CPSF4: variants seen among roughly 807,000 people sequenced by gnomAD.
The protein encoded by CPSF4 is cleavage and polyadenylation specific factor 4.
Under a neutral mutation model 37.7 loss-of-function variants are expected in CPSF4, and 11 were observed. The observed-to-expected ratio is 0.29, with a 90% confidence interval of 0.18 to 0.48. CPSF4 has a LOEUF of 0.48. CPSF4 is among the 20% of genes least tolerant of loss of function. CPSF4 has a pLI of 0.99. For synonymous variants in CPSF4, 132 were observed against 135.9 expected, an observed-to-expected ratio of 0.97 and a Z score of 0.20; for missense variants, 144 against 359.5, an observed-to-expected ratio of 0.40 and a Z score of 4.85.
At position 99,448,385 on chromosome 7, in the gene CPSF4, A is replaced by C; in HGVS notation, c.307+112A>C. ...CTGCTTTTCCCATCTTTCTATTCTC[A>C]GAGGAGAACTCTGGCAGAACCTGCC... On this transcript the variant is annotated intron_variant, in intron 3 of 7. Coordinates refer to ENST00000292476, the MANE Select transcript of CPSF4 (RefSeq NM_006693.4). The surrounding 1 kb of genome is among the most constrained non-coding windows in gnomAD (Gnocchi z 4.4). 4.1e-6 allele frequency: 5 copies of C among 1,226,320 alleles called. No individual in the cohort carries two copies. Among genetic ancestry groups the C allele is most frequent in the East Asian group, 2.6e-5 (1 of 38,084 alleles). The allele number at this position is 1,226,320 out of a possible 1,614,324, so 76.0% of individuals were successfully genotyped here.
At chr7:99,455,872 G>A (rs556937239) in intron 7 of CPSF4, among the ~76,000 whole-genome samples, 6 of 152,356 alleles carry the variant, frequency 3.9e-5, no homozygotes, top group African/African-American at 1.4e-4. Context: ...GTGTGTCACA[G>A]CCACGAGGGA....
chr7:99,447,109 G>GCTTA (rs34079237), intron 2 of CPSF4, among the ~76,000 whole-genome samples: 53,646 of 149,568 alleles, frequency 0.36, 15,374 homozygotes, highest in African/African-American at 0.8. Flanking sequence ...TGCTTGGCTG[G>GCTTA]CTTACTTACT....
rs1798329920 is a variant in CPSF4, at chr7:99,456,601, GC to G, written c.*104del. ...GTTGGCGCGACTGTGGCTCGAGCTGGCCCGCAGACACGTGGGTTTCATCACT... is the reference window on the plus strand; with the variant it reads ...GTTGGCGCGACTGTGGCTCGAGCTGGCCGCAGACACGTGGGTTTCATCACT... On this transcript the variant is annotated 3_prime_UTR_variant, in exon 8 of 8. Coordinates refer to ENST00000292476, the MANE Select transcript of CPSF4 (RefSeq NM_006693.4). The G allele has an allele frequency of 3.2e-6, 3 of 948,746 alleles. No homozygotes were observed. Among genetic ancestry groups the G allele is most frequent in the Non-Finnish European group, 5.0e-6 (3 of 599,042 alleles). 58.8% of individuals were successfully genotyped at this position (948,746 alleles called of 1,614,324 possible). A position where few individuals can be genotyped will look rare whatever the true frequency, so the allele number is the denominator to read the frequency against.
chr7:99,447,735 G>A (rs748720788), intron 2 of CPSF4: 10 of 425,356 alleles, frequency 2.4e-5, no homozygotes, highest in Non-Finnish European at 3.4e-5. Flanking sequence ...GACTATAGGC[G>A]CCAGCCACCA....
At position 99,440,670 on chromosome 7, in the gene CPSF4, A is replaced by T. The variant is rs565068098; in HGVS notation, c.103+1485A>T. ...CTGCACCTGGCATATATATATATATATATATTTTTTTTTTTTTTTTTTTCC... is the reference window on the plus strand; with the variant it reads ...CTGCACCTGGCATATATATATATATTTATATTTTTTTTTTTTTTTTTTTCC... On this transcript the variant is annotated intron_variant, in intron 1 of 7. Transcript: ENST00000292476. 4.8e-3 allele frequency among the ~76,000 whole-genome samples: 399 copies of T among 82,648 alleles called. 9 individuals are homozygous for T. The highest frequency in any genetic ancestry group is 5.4e-3 in the Non-Finnish European group (284 of 52,328). The allele number at this position is 82,648 out of a possible 152,430, so 54.2% of individuals were successfully genotyped here.
At chr7:99,451,476 G>A (rs1287328794) in intron 5 of CPSF4, among the ~76,000 whole-genome samples, 1 of 152,212 alleles carries the variant, frequency 6.6e-6, no homozygotes, top group Non-Finnish European at 1.5e-5. Flanking sequence ...GTAGCGGCGC[G>A]TGCCTGTAGT....
rs1796636343 is a variant in CPSF4, at chr7:99,439,148, G to A, written c.66G>A (p.Gln22=). The A allele has an allele frequency of 2.5e-6, 4 of 1,609,644 alleles. No individual in the cohort carries two copies. The highest frequency in any genetic ancestry group is 4.5e-5 in the East Asian group (2 of 44,552). ...KFDLEIAVEQ[Q]LGAQPLPFPG... Reference sequence around the variant, plus strand: ...ACTTGGAGATCGCGGTGGAGCAGCAGCTGGGGGCGCAGCCGCTGCCCTTCC... The same window carrying A: ...ACTTGGAGATCGCGGTGGAGCAGCAACTGGGGGCGCAGCCGCTGCCCTTCC... Residue 22 remains glutamine (Q), a synonymous_variant, in exon 1 of 8, where the codon CAG becomes CAA. Coordinates refer to ENST00000292476, the MANE Select transcript of CPSF4 (RefSeq NM_006693.4).
intron 1 of CPSF4, among the ~76,000 whole-genome samples, chr7:99,444,318 G>A (rs1227867991): frequency 4.6e-5 from 7 of 152,094 alleles, no homozygotes; most frequent in Admixed American, 1.3e-4. Context: ...TTAGCCAAGC[G>A]TGGTGGCAGG....
intron 1 of CPSF4, among the ~76,000 whole-genome samples, chr7:99,440,303 T>G (rs942617137): frequency 2.6e-5 from 4 of 152,140 alleles, no homozygotes; most frequent in African/African-American, 9.7e-5. Flanking sequence ...TCACACCTTC[T>G]CATGCACATG....
chr7:99,442,900 G>T, intron 1 of CPSF4: 1 of 1,319,194 alleles, frequency 7.6e-7, no homozygotes, highest in Non-Finnish European at 1.1e-6. Flanking sequence ...ATGCCAAAGC[G>T]CTCTGCTCTT....
At chr7:99,439,526 A>T (rs1796690314) in intron 1 of CPSF4, 2 of 252,644 alleles carry the variant, frequency 7.9e-6, no homozygotes, top group East Asian at 1.6e-4. Flanking sequence ...CCGTCTGGGG[A>T]CTCCTTTTAC....
rs566458307 is a variant in CPSF4 at position 99,439,001 on chromosome 7, C to T, written c.-82C>T. 3 of 1,377,990 alleles carry T rather than the reference C, an allele frequency of 2.2e-6. No individual in the cohort carries two copies. The highest frequency in any genetic ancestry group is 2.7e-5 in the Admixed American group (1 of 37,250). The allele number at this position is 1,377,990 out of a possible 1,614,324, so 85.4% of individuals were successfully genotyped here. ...AGGCGAAGCGAAGGAGGAGTGTGTG[C>T]GGCGGGGCCGGCGGCGGGTAAAGGC... On this transcript the variant is annotated 5_prime_UTR_variant, in exon 1 of 8. Transcript: ENST00000292476.
chr7:99,440,674 ATTT>A (rs1195402168), intron 1 of CPSF4, among the ~76,000 whole-genome samples: 8 of 88,066 alleles, frequency 9.1e-5, no homozygotes, highest in South Asian at 4.3e-4. Context: ...ATATATATAT[ATTT>A]TTTTTTTTTT....
At position 99,448,164 on chromosome 7, in the gene CPSF4, T is replaced by G; in HGVS notation, c.198T>G (p.Val66=). Residue 66 remains valine, a synonymous_variant, in exon 3 of 8, where the codon GTT becomes GTG. Coordinates refer to ENST00000292476, the MANE Select transcript of CPSF4 (RefSeq NM_006693.4). The surrounding 1 kb of genome is among the most constrained non-coding windows in gnomAD (Gnocchi z 4.4). ...PFRHISGEKT[V]VCKHWLRGLC... ...GCCACATCAGTGGTGAGAAGACAGT[T>G]GTGTGCAAACACTGGCTGCGTGGCC... 1 of 1,614,172 alleles carries G rather than the reference T, an allele frequency of 6.2e-7. No homozygotes were observed. Among genetic ancestry groups the G allele is most frequent in the Non-Finnish European group, 8.5e-7 (1 of 1,180,014 alleles).
rs778671314 is a variant in CPSF4 at position 99,456,511 on chromosome 7, A to G, written c.*11A>G. On this transcript the variant is annotated 3_prime_UTR_variant, in exon 8 of 8. Transcript: ENST00000292476. ...CTCAGTGGACAGTGACAGCAGCTGG[A>G]GCCAGCTCCGAGCAGCCCGGGGGCC... 17 of 1,613,638 alleles carry G rather than the reference A, an allele frequency of 1.1e-5. No homozygotes were observed. Among genetic ancestry groups the G allele is most frequent in the Non-Finnish European group, 1.4e-5 (17 of 1,179,770 alleles).
At chr7:99,451,111 A>G (rs1797901681) in intron 5 of CPSF4, 1 of 248,602 alleles carries the variant, frequency 4.0e-6, no homozygotes, top group Admixed American at 5.0e-5. Context: ...TCCAGTTAAG[A>G]ACCTGTGCCC....
At chr7:99,455,059 A>G (rs568712075) in intron 7 of CPSF4, among the ~76,000 whole-genome samples, 1 of 152,280 alleles carries the variant, frequency 6.6e-6, no homozygotes, top group East Asian at 1.9e-4. Context: ...TTTGTCTCCA[A>G]AAAAATAAAA....
intron 1 of CPSF4, among the ~76,000 whole-genome samples, chr7:99,441,663 AAGAG>A (rs1301049377): frequency 1.3e-5 from 2 of 151,998 alleles, no homozygotes; most frequent in African/African-American, 4.8e-5. Flanking sequence ...CTAACCTCTA[AAGAG>A]AGAGACCAGA....
rs966340009 is a variant in CPSF4, at chr7:99,456,740, G to A, written c.*240G>A. On this transcript the variant is annotated 3_prime_UTR_variant, in exon 8 of 8. Transcript: ENST00000292476. ...ACATCATGTTTGGCTGGGCATCGAT[G>A]CCTCCTTTCTGGGACTCCCGGCACA... is the stretch of plus-strand genomic sequence containing the variant. The A allele has an allele frequency of 1.5e-5, 9 of 585,210 alleles. No individual in the cohort carries two copies. In the African/African-American group the frequency reaches 1.7e-4, roughly 11 times the overall value. 36.3% of individuals were successfully genotyped at this position (585,210 alleles called of 1,614,324 possible). A position where few individuals can be genotyped will look rare whatever the true frequency, so the allele number is the denominator to read the frequency against.
Sources: gnomAD v4.1 joint callset for allele counts (sites outside exome capture counted in the v4.1 genomes callset) on GRCh38, gnomAD v4.1.1 for gene constraint, Gnocchi (gnomAD v3.1) non-coding constraint, MANE v1.5 for transcripts, NCBI Gene and HGNC (gene_info 2026-07-23, HGNC 2026-07-21) for gene names.